The following PITPNC1 variants were observed in gnomAD, a reference collection of about 807,000 sequenced individuals.
PITPNC1 encodes phosphatidylinositol transfer protein cytoplasmic 1.
PITPNC1 carries 18 observed loss-of-function variants against 44.7 expected under a neutral mutation model. The observed-to-expected ratio is 0.40, with a 90% CI of 0.28 to 0.60. The LOEUF is 0.60. Ranked by LOEUF, PITPNC1 falls within the 20% of genes least tolerant of loss-of-function variation. The probability of loss-of-function intolerance (pLI) is 0.39; values close to 1 mark genes in which losing one functional copy is unlikely to be tolerated. For missense variants in PITPNC1, 290 were observed against 418.4 expected, an observed-to-expected ratio of 0.69 and a Z score of 2.68; for synonymous variants, 141 against 149.6, an observed-to-expected ratio of 0.94 and a Z score of 0.42.
rs1373473734 is a variant in PITPNC1 at position 67,694,628 on chromosome 17, A to G, written c.*1740A>G. The G allele has an allele frequency of 6.6e-6, 1 of 152,228 alleles. No individual in the cohort carries two copies. The highest frequency in any genetic ancestry group is 2.4e-5 in the African/African-American group (1 of 41,464). 9.4% of individuals were successfully genotyped at this position (152,228 alleles called of 1,614,324 possible). ...AGGTTGATATTTAGCTTAAAAAAAAAGAATAAACCTAGAACTCAAAGGAAA... is the reference window on the plus strand; with the variant it reads ...AGGTTGATATTTAGCTTAAAAAAAAGGAATAAACCTAGAACTCAAAGGAAA... On this transcript the variant is annotated 3_prime_UTR_variant, in exon 9 of 9. Coordinates refer to ENST00000581322, the MANE Select transcript of PITPNC1 (RefSeq NM_012417.4).
chr17:67,417,106 G>A (rs1202754345), intron 1 of PITPNC1, among the ~76,000 whole-genome samples: 1 of 149,776 alleles, frequency 6.7e-6, no homozygotes, highest in Non-Finnish European at 1.5e-5. Flanking sequence ...GAGCCACCAC[G>A]CCCGGCCAAC....
intron 5 of PITPNC1, among the ~76,000 whole-genome samples, chr17:67,606,489 G>A (rs907352007): frequency 2.6e-5 from 4 of 152,158 alleles, no homozygotes; most frequent in Non-Finnish European, 5.9e-5. Context: ...GTTTAAATTC[G>A]GCTAAGTCGG....
At chr17:67,408,632 C>T (rs746993269) in intron 1 of PITPNC1, 3 of 151,734 alleles carry the variant, frequency 2.0e-5, no homozygotes, top group Non-Finnish European at 4.4e-5. Context: ...ACTCTCATTT[C>T]CTTTCCTTTC....
intron 1 of PITPNC1, among the ~76,000 whole-genome samples, chr17:67,517,687 T>A (rs1451597341): frequency 6.6e-6 from 1 of 152,226 alleles, no homozygotes; most frequent in Non-Finnish European, 1.5e-5. Flanking sequence ...TCCATTGATA[T>A]GAATGTTCAG....
intron 5 of PITPNC1, among the ~76,000 whole-genome samples, chr17:67,579,318 C>A (rs947779267): frequency 2.0e-5 from 3 of 152,208 alleles, no homozygotes; most frequent in African/African-American, 7.2e-5. Flanking sequence ...GCTGTGGGTT[C>A]CCTCAGGACC....
At chr17:67,524,305 C>T (rs1250782430) in intron 1 of PITPNC1, among the ~76,000 whole-genome samples, 3 of 151,820 alleles carry the variant, frequency 2.0e-5, no homozygotes, top group East Asian at 1.9e-4. Flanking sequence ...CTTAGCTGGA[C>T]GTGGTGGTGC....
At chr17:67,444,812 T>G (rs935663378) in intron 1 of PITPNC1, among the ~76,000 whole-genome samples, 14 of 151,764 alleles carry the variant, frequency 9.2e-5, no homozygotes, top group Admixed American at 3.9e-4. Context: ...CAGGAGAATC[T>G]CTTGAACCCA....
chr17:67,525,652 G>A (rs183584869), intron 1 of PITPNC1, among the ~76,000 whole-genome samples: 15 of 152,340 alleles, frequency 9.8e-5, no homozygotes, highest in South Asian at 8.3e-4. Flanking sequence ...AGAGTTCTGC[G>A]TCATTTATCC....
intron 5 of PITPNC1, among the ~76,000 whole-genome samples, chr17:67,595,676 T>A (rs2041451276): frequency 6.6e-6 from 1 of 152,210 alleles, no homozygotes. Flanking sequence ...CTTCTGAGAC[T>A]GATGGCGATT....
intron 1 of PITPNC1, among the ~76,000 whole-genome samples, chr17:67,442,519 A>G (rs1341616114): frequency 6.6e-6 from 1 of 151,426 alleles, no homozygotes; most frequent in Non-Finnish European, 1.5e-5. Flanking sequence ...TTTCATCGTG[A>G]ATTTCCTTTG....
At chr17:67,578,808 C>G (rs563941983) in intron 5 of PITPNC1, among the ~76,000 whole-genome samples, 1 of 152,278 alleles carries the variant, frequency 6.6e-6, no homozygotes, top group South Asian at 2.1e-4. Context: ...ATGGCGAAAC[C>G]CTGTCTCGAC....
At chr17:67,546,481 T>C (rs1029975390) in intron 2 of PITPNC1, among the ~76,000 whole-genome samples, 3 of 152,134 alleles carry the variant, frequency 2.0e-5, no homozygotes, top group African/African-American at 4.8e-5. Context: ...TAGGAACTCA[T>C]AGAAACAGAA....
At chr17:67,474,018 G>A (rs2039589724) in intron 1 of PITPNC1, among the ~76,000 whole-genome samples, 1 of 152,124 alleles carries the variant, frequency 6.6e-6, no homozygotes, top group South Asian at 2.1e-4. Context: ...TATTCTCTGG[G>A]TGAGAGATGT....
At chr17:67,599,021 TATATATATATATA>T (rs1406172176) in intron 5 of PITPNC1, among the ~76,000 whole-genome samples, 111 of 40,414 alleles carry the variant, frequency 2.7e-3, no homozygotes, top group African/African-American at 8.3e-3. Flanking sequence ...TATATATATA[TATATATATATATA>T]TTTTTTTTTT....
chr17:67,658,878 C>T (rs549286719), intron 6 of PITPNC1, among the ~76,000 whole-genome samples: 1 of 152,236 alleles, frequency 6.6e-6, no homozygotes, highest in East Asian at 1.9e-4. Context: ...GGGGGGAAGC[C>T]ATGTCTTCTA....
chr17:67,581,276 G>A (rs889528089), intron 5 of PITPNC1, among the ~76,000 whole-genome samples: 3 of 152,244 alleles, frequency 2.0e-5, no homozygotes, highest in African/African-American at 7.2e-5. Flanking sequence ...CCAGGCCCAT[G>A]CCAAGGGCCA....
At chr17:67,441,222 A>G (rs887329515) in intron 1 of PITPNC1, among the ~76,000 whole-genome samples, 4 of 151,726 alleles carry the variant, frequency 2.6e-5, no homozygotes, top group Admixed American at 2.6e-4. Context: ...TCTCAAAGCA[A>G]CTCAGCCTTC....
At chr17:67,528,243 T>C (rs2040415931) in intron 1 of PITPNC1, among the ~76,000 whole-genome samples, 1 of 152,180 alleles carries the variant, frequency 6.6e-6, no homozygotes, top group Admixed American at 6.5e-5. Flanking sequence ...GGTTTTGCCA[T>C]GTTGGCCAGG....
chr17:67,414,022 A>T (rs1294309461), intron 1 of PITPNC1, among the ~76,000 whole-genome samples: 1 of 151,992 alleles, frequency 6.6e-6, no homozygotes, highest in African/African-American at 2.4e-5. Context: ...CCTTATTTGA[A>T]CACCTTTTTC....
Sources: gnomAD v4.1 joint callset for allele counts (sites outside exome capture counted in the v4.1 genomes callset) on GRCh38, gnomAD v4.1.1 for gene constraint, MANE v1.5 for transcripts, NCBI Gene and HGNC (gene_info 2026-07-23, HGNC 2026-07-21) for gene names.